Variants in PCDHA6 observed in about 807,000 individuals in gnomAD.
PCDHA6 encodes protocadherin alpha 6, also known as protocadherin alpha-6.
A neutral mutation model predicts 60.3 loss-of-function variants in PCDHA6; 55 were observed. The ratio of observed to expected loss-of-function variants is 0.91; its 90% CI spans 0.73 to 1.14. The LOEUF is 1.14. Among genes scored for constraint, PCDHA6 ranks in the 50% most tolerant of loss-of-function variants. The pLI is 0.00. For missense variants in PCDHA6, 1,327 were observed against 1,256.5 expected, an observed-to-expected ratio of 1.06 and a Z score of -0.85; for synonymous variants, 652 against 557.9, an observed-to-expected ratio of 1.17 and a Z score of -2.38.
intron 1 of PCDHA6, among the ~76,000 whole-genome samples, chr5:140,900,724 C>T (rs552317505): frequency 2.0e-5 from 3 of 152,296 alleles, no homozygotes; most frequent in Admixed American, 1.3e-4. Flanking sequence ...GAAATCCTAC[C>T]TAGCAGTGGG....
chr5:140,853,498 C>T (rs983966911), intron 1 of PCDHA6: 1 of 976,590 alleles, frequency 1.0e-6, no homozygotes, highest in African/African-American at 1.8e-5. Flanking sequence ...AAGTTAGAAT[C>T]ATGAAACAAT....
chr5:140,989,597 G>A (rs1168398697), intron 3 of PCDHA6, among the ~76,000 whole-genome samples: 1 of 152,144 alleles, frequency 6.6e-6, no homozygotes, highest in Non-Finnish European at 1.5e-5. Flanking sequence ...ACTGACACAA[G>A]TAAACTAAAA....
intron 1 of PCDHA6, among the ~76,000 whole-genome samples, chr5:140,961,917 T>G (rs2095643057): frequency 6.6e-6 from 1 of 151,470 alleles, no homozygotes; most frequent in Non-Finnish European, 1.5e-5. Flanking sequence ...GGAGTCTCGC[T>G]CTGTTGCCCA....
chr5:140,827,986 AATG>A lies in PCDHA6; in HGVS notation c.-102_-100del. The A allele has an allele frequency of 6.9e-7, 1 of 1,456,760 alleles. No homozygotes were observed. The highest frequency in any genetic ancestry group is 9.2e-7 in the Non-Finnish European group (1 of 1,082,238). 90.2% of individuals were successfully genotyped at this position (1,456,760 alleles called of 1,614,324 possible). On this transcript the variant is annotated 5_prime_UTR_variant, in exon 1 of 4. It removes an upstream start codon present in the reference 5' UTR. Coordinates refer to ENST00000529310, the MANE Select transcript of PCDHA6 (RefSeq NM_018909.4). The stretch of plus-strand genomic sequence containing the variant: ...TTACTGCATCATTCCCTGACTGTTG[AATG>A]ATGGCGGACGCAGAAGAAATGGATT...
At chr5:140,853,340 G>A (rs1398968821) in intron 1 of PCDHA6, 1 of 983,496 alleles carries the variant, frequency 1.0e-6, no homozygotes, top group East Asian at 1.1e-4. Flanking sequence ...GAGGTCATTA[G>A]CAAACATGAA....
At chr5:140,932,491 T>C (rs1041440008) in intron 1 of PCDHA6, among the ~76,000 whole-genome samples, 11 of 151,918 alleles carry the variant, frequency 7.2e-5, no homozygotes, top group Non-Finnish European at 1.6e-4. Flanking sequence ...CTCTTTGCAA[T>C]GTCATTTGTT....
intron 3 of PCDHA6, among the ~76,000 whole-genome samples, chr5:140,995,481 T>C (rs190039428): frequency 5.9e-5 from 9 of 152,308 alleles, no homozygotes; most frequent in Admixed American, 5.9e-4. Context: ...CATTTAATAT[T>C]TTCAGACTAA....
At chr5:140,918,313 T>C (rs1406314903) in intron 1 of PCDHA6, among the ~76,000 whole-genome samples, 3 of 152,146 alleles carry the variant, frequency 2.0e-5, no homozygotes, top group African/African-American at 7.2e-5. Context: ...GTTTTCTAGG[T>C]ATAAAATTAT....
chr5:140,828,989 G>C lies in PCDHA6; in HGVS notation c.898G>C (p.Gly300Arg). The change falls in exon 1 of 4, where the codon GGA (glycine) becomes CGA (arginine). Residue 300 changes from glycine to arginine, a missense_variant. Physicochemically the swap from Gly to Arg is moderately radical, Grantham distance 125 (BLOSUM62 -2). Transcript: ENST00000529310. Reference sequence around the variant, plus strand: ...CCACTTTAGCATAGATCGAAATACGGGAGAAATAGTGATTCGGGGTAATTT... The same window carrying C: ...CCACTTTAGCATAGATCGAAATACGCGAGAAATAGTGATTCGGGGTAATTT... ...IDHFSIDRNT[G>R]EIVIRGNLDF... 1 of 1,613,984 alleles carries C rather than the reference G, an allele frequency of 6.2e-7. No individual in the cohort carries two copies. Among genetic ancestry groups the C allele is most frequent in the South Asian group, 1.1e-5 (1 of 91,066 alleles).
At chr5:140,877,178 C>A (rs370071106) in intron 1 of PCDHA6, 34 of 1,613,676 alleles carry the variant, frequency 2.1e-5, no homozygotes, top group Middle Eastern at 1.7e-4. Context: ...CTGGCGACTC[C>A]GGCTGGCAGC....
intron 1 of PCDHA6, among the ~76,000 whole-genome samples, chr5:140,920,841 T>TAAAA (rs781921146): frequency 7.3e-5 from 8 of 109,222 alleles, no homozygotes; most frequent in African/African-American, 1.0e-4. Flanking sequence ...AGACCAAATC[T>TAAAA]AAAAAAAAAA....
intron 2 of PCDHA6, among the ~76,000 whole-genome samples, chr5:140,979,752 G>A (rs1048851264): frequency 4.6e-5 from 7 of 152,138 alleles, no homozygotes; most frequent in South Asian, 2.1e-4. Context: ...CATTATTTGC[G>A]AATGTCTTTG....
chr5:140,853,603 G>A (rs1358386755), intron 1 of PCDHA6: 2 of 987,254 alleles, frequency 2.0e-6, no homozygotes, highest in South Asian at 4.7e-5. Flanking sequence ...GAGAGCAAAG[G>A]GGGTGCTGTA....
intron 1 of PCDHA6, chr5:140,870,584 T>A (rs782563992): frequency 1.1e-5 from 18 of 1,613,672 alleles, no homozygotes; most frequent in Non-Finnish European, 1.3e-5. Flanking sequence ...TACTCGCTGG[T>A]GGAGCGGCGG....
At chr5:140,980,615 C>T (rs1182621837) in intron 2 of PCDHA6, among the ~76,000 whole-genome samples, 4 of 151,596 alleles carry the variant, frequency 2.6e-5, no homozygotes, top group Admixed American at 6.6e-5. Flanking sequence ...GGCGACAGTG[C>T]GAGACTCTGT....
chr5:140,840,076 AG>A (rs1237018170), intron 1 of PCDHA6, among the ~76,000 whole-genome samples: 2 of 152,044 alleles, frequency 1.3e-5, no homozygotes, highest in Non-Finnish European at 2.9e-5. Context: ...GTCAATAGAA[AG>A]ATAAACTTGT....
intron 1 of PCDHA6, among the ~76,000 whole-genome samples, chr5:140,913,152 T>G (rs2076232515): frequency 6.6e-6 from 1 of 152,178 alleles, no homozygotes; most frequent in Admixed American, 6.5e-5. Context: ...ATAGTTTGAG[T>G]AGGATTGGTA....
At chr5:140,836,003 G>T (rs1456412206) in intron 1 of PCDHA6, 5 of 1,613,328 alleles carry the variant, frequency 3.1e-6, no homozygotes, top group African/African-American at 2.7e-5. Flanking sequence ...CGCGCGATGC[G>T]GGCGTGCCGC....
intron 1 of PCDHA6, chr5:140,871,170 G>A (rs2052777446): frequency 1.2e-6 from 2 of 1,613,536 alleles, no homozygotes; most frequent in Non-Finnish European, 1.7e-6. Context: ...CGAGCCCAGA[G>A]GCTGCGCTGG....
Sources: allele counts gnomAD v4.1 joint callset (sites outside exome capture counted in the v4.1 genomes callset), GRCh38; gene constraint gnomAD v4.1.1; transcripts MANE v1.5; gene names NCBI Gene and HGNC (gene_info 2026-07-23, HGNC 2026-07-21).